Variants in GLYR1 observed in about 807,000 individuals in gnomAD.
The protein encoded by GLYR1 is cytokine-like nuclear factor N-PAC.
GLYR1 carries 21 observed loss-of-function variants against 72.7 expected under a neutral mutation model. That is an observed-to-expected ratio of 0.29 (90% CI 0.20 to 0.42). The LOEUF is 0.42. Ranked by LOEUF, GLYR1 falls within the 10% of genes least tolerant of loss-of-function variation. The pLI is 1.00. For missense variants in GLYR1, 594 were observed against 712.1 expected (o/e 0.83, Z 1.89); for synonymous variants, 392 against 270.2 (o/e 1.45, Z -4.42).
chr16:4,807,964 G>A (rs185745214), intron 15 of GLYR1, among the ~76,000 whole-genome samples: 9 of 152,300 alleles, frequency 5.9e-5, no homozygotes, highest in African/African-American at 1.7e-4. Context: ...GGCTGCATGC[G>A]GTGGCTCATG....
intron 15 of GLYR1, among the ~76,000 whole-genome samples, chr16:4,805,629 T>TCA (rs2082921545): frequency 2.0e-5 from 3 of 152,016 alleles, no homozygotes; most frequent in African/African-American, 4.8e-5. Context: ...TCACCTGAAG[T>TCA]CAGGAGTTCG....
chr16:4,814,247 G>C (rs1242793387), intron 11 of GLYR1, among the ~76,000 whole-genome samples: 1 of 152,152 alleles, frequency 6.6e-6, no homozygotes, highest in Non-Finnish European at 1.5e-5. Flanking sequence ...TGGACCAAAG[G>C]CACATTCAGT....
chr16:4,842,930 C>T (rs1025180715), intron 3 of GLYR1, among the ~76,000 whole-genome samples: 5 of 148,572 alleles, frequency 3.4e-5, no homozygotes, highest in East Asian at 2.1e-4. Context: ...AAATTCCTGG[C>T]GTTAAGCAAT....
chr16:4,811,900 G>C, intron 13 of GLYR1, 98 bp from the exon 14 acceptor site: 1 of 1,454,568 alleles, frequency 6.9e-7, no homozygotes, highest in Non-Finnish European at 9.2e-7. Context: ...TCTCTCCAGG[G>C]GAGGCCCCCT....
chr16:4,819,920 C>A (rs559778025), intron 9 of GLYR1, among the ~76,000 whole-genome samples: 2 of 152,280 alleles, frequency 1.3e-5, no homozygotes, highest in South Asian at 4.1e-4. Context: ...GTACAATATT[C>A]CCCCATGATT....
intron 3 of GLYR1, chr16:4,833,190 T>G (rs1453139351): frequency 7.3e-6 from 2 of 275,174 alleles, no homozygotes; most frequent in African/African-American, 4.4e-5. Context: ...ATTATTTATT[T>G]CCACAATCGT....
chr16:4,822,483 C>A (rs112934732), intron 7 of GLYR1, among the ~76,000 whole-genome samples: 3 of 148,822 alleles, frequency 2.0e-5, no homozygotes, highest in African/African-American at 7.5e-5. Flanking sequence ...CTCTGCCTCC[C>A]GGGTTCAAGC....
In GLYR1 at chr16:4,820,828, G is replaced by A. The variant is rs866073882; in HGVS notation, c.806+552C>T. 2.0e-5 allele frequency among the ~76,000 whole-genome samples: 3 copies of A among 152,346 alleles called. No individual in the cohort carries two copies. In the Middle Eastern group the frequency reaches 0.01, roughly 518 times the overall value. ...AAGGCTGGGCGCAAGTTGGGTCTGG[G>A]AGCATGTCCAGGATCGCCCCACCCA... On this transcript the variant is annotated intron_variant, in intron 9 of 15. Coordinates refer to ENST00000321919, the MANE Select transcript of GLYR1 (RefSeq NM_032569.4).
intron 12 of GLYR1, among the ~76,000 whole-genome samples, chr16:4,812,742 C>T (rs1020976096): frequency 2.6e-5 from 4 of 151,974 alleles, no homozygotes; most frequent in African/African-American, 7.3e-5. Context: ...CCGCCCGCCT[C>T]GGCCTCCCAA....
chr16:4,845,926 G>C (rs1198870437), intron 2 of GLYR1, among the ~76,000 whole-genome samples: 2 of 151,990 alleles, frequency 1.3e-5, no homozygotes, highest in Admixed American at 1.3e-4. Context: ...AATTATTTCC[G>C]GGGTTAAAAA....
chr16:4,816,878 T>C (rs1234836085), intron 10 of GLYR1, among the ~76,000 whole-genome samples: 1 of 151,462 alleles, frequency 6.6e-6, no homozygotes, highest in East Asian at 2.0e-4. Flanking sequence ...TCCCAGCTAC[T>C]TGGGAGTCTG....
rs770749221 is a variant in GLYR1, at chr16:4,814,570, G to T, written c.984C>A (p.Phe328Leu). The T allele has an allele frequency of 6.8e-6, 11 of 1,613,936 alleles. No homozygotes were observed. In the Admixed American group the frequency reaches 1.5e-4, roughly 22 times the overall value. The change falls in exon 11 of 16, where the codon TTC (phenylalanine) becomes TTA (leucine). Residue 328 changes from phenylalanine (F) to leucine (L), a missense_variant. Phe to Leu is a conservative substitution (Grantham distance 22, BLOSUM62 0). Around this residue, in one of 5 missense-constraint regions of GLYR1, gnomAD observed 266 missense variants for 358.4 expected, o/e 0.74. Coordinates refer to ENST00000321919, the MANE Select transcript of GLYR1 (RefSeq NM_032569.4). ...CCGCCTTGGGATCCGACACGCAGGC[G>T]AAAGTGATGTCGCAGGTTGAGACGA... is the stretch of plus-strand genomic sequence containing the variant. ...AEVVSTCDITFACVSDPKAAK... is the reference protein window; with the variant it reads ...AEVVSTCDITLACVSDPKAAK...
chr16:4,846,121 C>G, intron 2 of GLYR1, 53 bp downstream of exon 2: 1 of 1,583,822 alleles, frequency 6.3e-7, no homozygotes, highest in Non-Finnish European at 8.7e-7. Flanking sequence ...CTTACATTCT[C>G]CACCTCTTCA....
chr16:4,839,043 C>A (rs556136462), intron 3 of GLYR1, among the ~76,000 whole-genome samples: 2 of 152,144 alleles, frequency 1.3e-5, no homozygotes, highest in Admixed American at 1.3e-4. Flanking sequence ...CATGCTACTA[C>A]GCATGAACCC....
At chr16:4,837,547 G>A (rs2085223370) in intron 3 of GLYR1, among the ~76,000 whole-genome samples, 1 of 152,106 alleles carries the variant, frequency 6.6e-6, no homozygotes, top group Admixed American at 6.6e-5. Context: ...GGTGACCCGG[G>A]GTGAAGCCGT....
At position 4,805,296 on chromosome 16, in the gene GLYR1, G is replaced by A. The variant is rs771231617; in HGVS notation, c.1602C>T (p.Ala534=). Residue 534 remains alanine (A), a synonymous_variant, in exon 16 of 16, where the codon GCC becomes GCT. Coordinates refer to ENST00000321919, the MANE Select transcript of GLYR1 (RefSeq NM_032569.4). ...AAAANEVYKR[A]KALDQSDNDM... ...CGTTGTCAGACTGGTCCAGCGCCTT[G>A]GCTCTTTTGTACACCTGGAAAAAAA... The A allele has an allele frequency of 3.1e-6, 5 of 1,613,858 alleles. No homozygotes were observed. The highest frequency in any genetic ancestry group is 4.2e-6 in the Non-Finnish European group (5 of 1,179,958).
chr16:4,812,963 ATT>A (rs777147624), intron 12 of GLYR1, among the ~76,000 whole-genome samples: 62 of 98,442 alleles, frequency 6.3e-4, no homozygotes, highest in African/African-American at 1.8e-3. Flanking sequence ...TGCCTGGCTA[ATT>A]TTTTTTTTTT....
intron 5 of GLYR1, among the ~76,000 whole-genome samples, chr16:4,826,357 C>T (rs931118401): frequency 5.9e-5 from 9 of 152,200 alleles, no homozygotes; most frequent in Non-Finnish European, 1.2e-4. Flanking sequence ...CCTCCTACCT[C>T]GGCCTTCCAA....
At chr16:4,809,598 C>T (rs541042509) in intron 15 of GLYR1, among the ~76,000 whole-genome samples, 138 of 135,844 alleles carry the variant, frequency 1.0e-3, no homozygotes, top group African/African-American at 3.5e-3. Flanking sequence ...GGTGACAGAG[C>T]GAAACTCCGT....
Sources: gnomAD v4.1 joint callset for allele counts (sites outside exome capture counted in the v4.1 genomes callset) on GRCh38, gnomAD v4.1.1 for gene constraint, gnomAD v4.1.1 regional missense constraint, MANE v1.5 for transcripts, NCBI Gene and HGNC (gene_info 2026-07-23, HGNC 2026-07-21) for gene names.